ZNF860: variants seen among roughly 807,000 people sequenced by gnomAD.
ZNF860 encodes the protein zinc finger protein 860.
For missense variants in ZNF860, 641 were observed against 759.2 expected (o/e 0.84, Z 1.83); for synonymous variants, 206 against 248.9 (o/e 0.83, Z 1.62).
chr3:31,999,481 C>A, the ZNF860 span, among the ~76,000 whole-genome samples: 1 of 151,880 alleles, frequency 6.6e-6, no homozygotes, highest in South Asian at 2.1e-4. Context: ...CTGCCTCAGC[C>A]TCCTGAGTAG....
chr3:31,993,039 A>G (rs938618368), downstream of ZNF860, among the ~76,000 whole-genome samples: 3 of 152,132 alleles, frequency 2.0e-5, no homozygotes, highest in Admixed American at 6.5e-5. Context: ...TTTACTCTAC[A>G]AAAGATATGG....
Position 31,985,994 on chromosome 3 carries a change from G to A in ZNF860, c.-420-2666G>A, listed in dbSNP as rs4376070. On this transcript the variant is annotated intron_variant, in intron 1 of 1. Transcript: ENST00000360311. ...AACTTAGGCAATTTGGCTACTGAGC[G>A]TGAGTTCTTAGCCACCGTATTATAC... 5.1e-3 allele frequency among the ~76,000 whole-genome samples: 780 copies of A among 152,248 alleles called. 3 individuals carry two copies. The highest frequency in any genetic ancestry group is 0.014 in the Middle Eastern group (4 of 294).
At position 31,989,726 on chromosome 3, in the gene ZNF860, T is replaced by C. The variant is rs941517314; in HGVS notation, c.647T>C (p.Leu216Ser). The C allele has an allele frequency of 3.1e-6, 5 of 1,614,000 alleles. No homozygotes were observed. In the African/African-American group the frequency reaches 5.3e-5, roughly 17 times the overall value. The change falls in exon 2 of 2, where the codon TTA (leucine) becomes TCA (serine). Residue 216 changes from leucine (L) to serine (S), a missense_variant. Leu to Ser is a moderately radical substitution (Grantham distance 145). Coordinates refer to ENST00000360311, the MANE Select transcript of ZNF860 (RefSeq NM_001137674.3). ...NYENNFFHSS[L>S]LTLKQEVHIR... Reference sequence around the variant, plus strand: ...GAAAATAATTTCTTCCATTCATCATTACTCACACTAAAACAGGAAGTACAC... The same window carrying C: ...GAAAATAATTTCTTCCATTCATCATCACTCACACTAAAACAGGAAGTACAC...
At chr3:31,983,859 A>G (rs934326245) in intron 1 of ZNF860, among the ~76,000 whole-genome samples, 1 of 152,250 alleles carries the variant, frequency 6.6e-6, no homozygotes, top group African/African-American at 2.4e-5. Context: ...TATTTGAAAT[A>G]CATACTGTAA....
chr3:31,993,671 T>TAC (rs1286675523), downstream of ZNF860, among the ~76,000 whole-genome samples: 156 of 126,780 alleles, frequency 1.2e-3, no homozygotes, highest in African/African-American at 6.3e-3. Flanking sequence ...TTAACATGAC[T>TAC]ACACACACAT....
In ZNF860 at chr3:31,990,245, A is replaced by C; in HGVS notation, c.1166A>C (p.Gln389Pro). ...GGGCAGTCAACACTTATTCACCATC[A>C]AGCAATCCATGGTATAGGGAAACTT... ...FSGQSTLIHH[Q>P]AIHGIGKLYK... Residue 389 changes from glutamine to proline, a missense_variant, in exon 2 of 2, where the codon CAA (glutamine) becomes CCA (proline). Gln to Pro is a moderately conservative substitution (Grantham distance 76). Transcript: ENST00000360311. 5 of 1,614,086 alleles carry C rather than the reference A, an allele frequency of 3.1e-6. No individual in the cohort carries two copies. The highest frequency in any genetic ancestry group is 4.2e-6 in the Non-Finnish European group (5 of 1,179,946).
downstream of ZNF860, among the ~76,000 whole-genome samples, chr3:31,993,164 C>CTTATTTTATTTTATTTTATT (rs143583788): frequency 9.1e-4 from 118 of 129,114 alleles, no homozygotes; most frequent in Non-Finnish European, 1.4e-3. Context: ...GTAAGAAAAC[C>CTTATTTTATTTTATTTTATT]TTATTTTATT....
In ZNF860 at chr3:31,981,751, C is replaced by T. The variant is rs1244575053; in HGVS notation, c.-572C>T. 6.6e-6 allele frequency: 1 copy of T among 152,476 alleles called. No individual in the cohort carries two copies. The highest frequency in any genetic ancestry group is 1.5e-5 in the Non-Finnish European group (1 of 68,298). The allele number at this position is 152,476 out of a possible 1,614,324, so 9.4% of individuals were successfully genotyped here. A position where few individuals can be genotyped will look rare whatever the true frequency, so the allele number is the denominator to read the frequency against. ...CCGCCCGGCCTGACAGGCTCACACGCACACTCCCTCTCTCGGTCTTCCGCA... is the reference window on the plus strand; with the variant it reads ...CCGCCCGGCCTGACAGGCTCACACGTACACTCCCTCTCTCGGTCTTCCGCA... On this transcript the variant is annotated 5_prime_UTR_variant, in exon 1 of 2. Transcript: ENST00000360311. The surrounding 1 kb of genome is among the most constrained non-coding windows in gnomAD (Gnocchi z 4.5).
downstream of ZNF860, among the ~76,000 whole-genome samples, chr3:31,995,981 A>G (rs1039311658): frequency 1.3e-5 from 2 of 152,126 alleles, no homozygotes; most frequent in African/African-American, 4.8e-5. Flanking sequence ...GATGAATCCA[A>G]TCTCAGCATT....
intron 1 of ZNF860, among the ~76,000 whole-genome samples, chr3:31,982,834 T>C (rs568281523): frequency 1.3e-5 from 2 of 152,370 alleles, no homozygotes; most frequent in South Asian, 4.1e-4. Flanking sequence ...AAATATTTAC[T>C]GCCGCTTCCT....
In ZNF860 at chr3:31,989,266, G is replaced by T; in HGVS notation, c.187G>T (p.Val63Leu). ...GGAGAACTACAGGAACCTGCATTCT[G>T]TGGATATCTCTTCCAAATGCATGAT... ...MLENYRNLHS[V>L]DISSKCMMKK... The change falls in exon 2 of 2, where the codon GTG (valine) becomes TTG (leucine). Residue 63 changes from valine to leucine, a missense_variant. Physicochemically the swap from Val to Leu is conservative, Grantham distance 32. Coordinates refer to ENST00000360311, the MANE Select transcript of ZNF860 (RefSeq NM_001137674.3). The T allele has an allele frequency of 6.2e-7, 1 of 1,614,176 alleles. No individual in the cohort carries two copies. The highest frequency in any genetic ancestry group is 8.5e-7 in the Non-Finnish European group (1 of 1,180,038).
chr3:31,988,965 T>G lies in ZNF860; in HGVS notation c.-115T>G. The stretch of plus-strand genomic sequence containing the variant: ...TGTGAGATAATCAGTGTTTGTTGCC[T>G]TAAGCCACGAAGTTTGTGATAATTT... On this transcript the variant is annotated 5_prime_UTR_variant, in exon 2 of 2. Transcript: ENST00000360311. 7.1e-7 allele frequency: 1 copy of G among 1,414,070 alleles called. No homozygotes were observed. Among genetic ancestry groups the G allele is most frequent in the Non-Finnish European group, 9.6e-7 (1 of 1,038,060 alleles). 87.6% of individuals were successfully genotyped at this position (1,414,070 alleles called of 1,614,324 possible).
chr3:31,982,964 A>C (rs1273801388), intron 1 of ZNF860, among the ~76,000 whole-genome samples: 2 of 152,222 alleles, frequency 1.3e-5, no homozygotes, highest in Non-Finnish European at 2.9e-5. Context: ...AAGAGCAGTC[A>C]TATGGTTCCA....
In ZNF860 at chr3:31,989,660, G is replaced by T. The variant is rs1281718244; in HGVS notation, c.581G>T (p.Arg194Ile). Residue 194 changes from arginine to isoleucine, a missense_variant, in exon 2 of 2, where the codon AGA (arginine) becomes ATA (isoleucine). Transcript: ENST00000360311. The stretch of plus-strand genomic sequence containing the variant: ...GCTTCCTCAGTTCTAACGTCCCAAA[G>T]AATTTCTTCTAGGCCCAAAATCCAT... ...NDASSVLTSQ[R>I]ISSRPKIHIS... 1.9e-5 allele frequency: 31 copies of T among 1,613,946 alleles called. No homozygotes were observed. Among genetic ancestry groups the T allele is most frequent in the African/African-American group, 4.0e-5 (3 of 74,898 alleles).
chr3:31,996,954 A>G, the ZNF860 span, among the ~76,000 whole-genome samples: 5 of 152,148 alleles, frequency 3.3e-5, no homozygotes, highest in Non-Finnish European at 7.4e-5. Flanking sequence ...CCCACTCACA[A>G]TGGGAGAGAA....
Position 31,989,693 on chromosome 3 carries a change from A to G in ZNF860, c.614A>G (p.Asn205Ser). 6.2e-7 allele frequency: 1 copy of G among 1,613,978 alleles called. No homozygotes were observed. The highest frequency in any genetic ancestry group is 1.1e-5 in the South Asian group (1 of 91,032). Residue 205 changes from asparagine to serine, a missense_variant, in exon 2 of 2, where the codon AAT (asparagine) becomes AGT (serine). By Grantham distance (46) the Asn-to-Ser change is conservative. Transcript: ENST00000360311. ...ISSRPKIHISNNYENNFFHSS... is the reference protein window; with the variant it reads ...ISSRPKIHISSNYENNFFHSS... ...TCTAGGCCCAAAATCCATATTTCTAATAACTATGAAAATAATTTCTTCCAT... is the reference window on the plus strand; with the variant it reads ...TCTAGGCCCAAAATCCATATTTCTAGTAACTATGAAAATAATTTCTTCCAT...
At chr3:31,996,208 T>C (rs962954290), downstream of ZNF860, among the ~76,000 whole-genome samples, 6 of 152,138 alleles carry the variant, frequency 3.9e-5, no homozygotes, top group African/African-American at 1.2e-4. Context: ...GTGGACAAAA[T>C]ATTCTAGAGA....
the ZNF860 span, among the ~76,000 whole-genome samples, chr3:31,998,602 A>C: frequency 6.6e-6 from 1 of 152,230 alleles, no homozygotes; most frequent in Non-Finnish European, 1.5e-5. Context: ...GATCTTTTTC[A>C]AATAATTTGA....
the ZNF860 span, among the ~76,000 whole-genome samples, chr3:32,005,368 C>T: frequency 6.6e-6 from 1 of 152,136 alleles, no homozygotes; most frequent in Non-Finnish European, 1.5e-5. Context: ...AGTAAATGCT[C>T]AGATGCCTCC....
Sources: gnomAD v4.1 joint callset for allele counts (sites outside exome capture counted in the v4.1 genomes callset) on GRCh38, gnomAD v4.1.1 for gene constraint, Gnocchi (gnomAD v3.1) non-coding constraint, MANE v1.5 for transcripts, NCBI Gene and HGNC (gene_info 2026-07-23, HGNC 2026-07-21) for gene names.